The following ZFHX2 variants were observed in gnomAD, a reference collection of about 807,000 sequenced individuals.
The protein encoded by ZFHX2 is zinc finger homeobox 2.
In ZFHX2, 75 loss-of-function variants were observed where a neutral mutation model predicts 164.8. The ratio of observed to expected loss-of-function variants is 0.46; its 90% CI spans 0.38 to 0.55. The LOEUF (loss-of-function observed/expected upper bound fraction) is 0.55, where lower values mean the gene tolerates loss of function less well. Ranked by LOEUF, ZFHX2 falls within the 20% of genes least tolerant of loss-of-function variation. The pLI, the probability that ZFHX2 is intolerant of heterozygous loss-of-function variation, is 0.00. For missense variants in ZFHX2, 2,933 were observed against 3,308.0 expected (o/e 0.89, Z 2.78); for synonymous variants, 1,217 against 1,351.4 (o/e 0.90, Z 2.18).
chr14:23,524,307 C>A lies in ZFHX2; in HGVS notation c.5635G>T (p.Asp1879Tyr). The A allele has an allele frequency of 6.5e-7, 1 of 1,536,364 alleles. No individual in the cohort carries two copies. Residue 1879 changes from aspartate (D) to tyrosine (Y), a missense_variant, in exon 9 of 10, where the codon GAT (aspartate) becomes TAT (tyrosine). Physicochemically the swap from Asp to Tyr is radical, Grantham distance 160. Coordinates refer to ENST00000419474, the MANE Select transcript of ZFHX2 (RefSeq NM_033400.3). The surrounding 1 kb of genome is among the most constrained non-coding windows in gnomAD (Gnocchi z 5.6). ...AGCATCTTGCGTGTTGGGTTGGAATCCTGCATGTACCAACGGTACAGGATC... is the reference window on the plus strand; with the variant it reads ...AGCATCTTGCGTGTTGGGTTGGAATACTGCATGTACCAACGGTACAGGATC... ...LEILYRWYMQDSNPTRKMLDC... is the reference protein window; with the variant it reads ...LEILYRWYMQYSNPTRKMLDC...
rs1046713349 is a variant in ZFHX2, at chr14:23,521,538, G to C, written c.*424C>G. 2 of 160,620 alleles carry C rather than the reference G, an allele frequency of 1.2e-5. No homozygotes were observed. The highest frequency in any genetic ancestry group is 2.4e-5 in the African/African-American group (1 of 41,716). 9.9% of individuals were successfully genotyped at this position (160,620 alleles called of 1,614,324 possible). ...TTCAAAATTTTTTGGTGTTTTCTCA[G>C]TGGAACATCATGGGATAACGTGTGT... On this transcript the variant is annotated 3_prime_UTR_variant, in exon 10 of 10. Transcript: ENST00000419474.
rs1396992915 is a variant in ZFHX2 at position 23,534,930 on chromosome 14, A to C, written c.396T>G (p.Gly132=). The stretch of plus-strand genomic sequence containing the variant: ...CCTTTGGTAACAGGAGTTCACTGCC[A>C]CCTGGCAGGGACAGCTTGGCCACTA... The part of the protein sequence containing the change: ...AYLVAKLSLP[G]GSELLLPKGF... Residue 132 remains glycine, a synonymous_variant, in exon 2 of 10, where the codon GGT becomes GGG. Transcript: ENST00000419474. The surrounding 1 kb of genome is among the most constrained non-coding windows in gnomAD (Gnocchi z 4.5). 11 of 1,536,154 alleles carry C rather than the reference A, an allele frequency of 7.2e-6. No individual in the cohort carries two copies. The highest frequency in any genetic ancestry group is 9.6e-6 in the Non-Finnish European group (11 of 1,146,914).
chr14:23,539,635 G>A (rs1595175939), intron 1 of ZFHX2, among the ~76,000 whole-genome samples: 1 of 152,204 alleles, frequency 6.6e-6, no homozygotes, highest in African/African-American at 2.4e-5. Flanking sequence ...CTGAAGAGGA[G>A]CCATGTCGTG....
intron 3 of ZFHX2, 76 bp from the exon 4 acceptor site, chr14:23,531,797 A>G: frequency 8.0e-7 from 1 of 1,257,670 alleles, no homozygotes; most frequent in Admixed American, 3.9e-5. Context: ...TTTTTTTTCT[A>G]GAGAGAGTCT....
Position 23,551,092 on chromosome 14 carries a change from T to G in ZFHX2, c.-50+251A>C, listed in dbSNP as rs1881906173. 6.6e-6 allele frequency among the ~76,000 whole-genome samples: 1 copy of G among 150,942 alleles called. No individual in the cohort carries two copies. The highest frequency in any genetic ancestry group is 2.4e-5 in the African/African-American group (1 of 40,920). On this transcript the variant is annotated intron_variant, in intron 1 of 9. Transcript: ENST00000419474. The surrounding 1 kb of genome is among the most constrained non-coding windows in gnomAD (Gnocchi z 5.3). ...TTCTCCCTCCACCCCCGCATCTCTC[T>G]TCCCCCATCCTCGCGCACGCCCTCT...
intron 3 of ZFHX2, 128 bp downstream of exon 3, chr14:23,532,439 C>T: frequency 8.6e-7 from 1 of 1,159,280 alleles, no homozygotes; most frequent in Non-Finnish European, 1.1e-6. Context: ...ATGTCATTAC[C>T]TGGTGCATAC....
Position 23,526,827 on chromosome 14 carries a change from T to C in ZFHX2, c.3262+20A>G, listed in dbSNP as rs770638148. ...TCCCCTTTCCTGGTACCTTGGGAGGTTTGCTGTTCCATTCCTTACCTGCTG... is the reference window on the plus strand; with the variant it reads ...TCCCCTTTCCTGGTACCTTGGGAGGCTTGCTGTTCCATTCCTTACCTGCTG... On this transcript the variant is annotated intron_variant, in intron 8 of 9. Transcript: ENST00000419474. The C allele has an allele frequency of 3.3e-6, 5 of 1,523,342 alleles. No individual in the cohort carries two copies. The highest frequency in any genetic ancestry group is 2.8e-5 in the African/African-American group (2 of 72,482). The allele number at this position is 1,523,342 out of a possible 1,614,324, so 94.4% of individuals were successfully genotyped here.
At position 23,530,538 on chromosome 14, in the gene ZFHX2, A is replaced by T. The variant is rs535154464; in HGVS notation, c.2801-344T>A. 3.5e-4 allele frequency: 175 copies of T among 496,700 alleles called. 1 individual carries two copies. The highest frequency in any genetic ancestry group is 3.3e-3 in the Middle Eastern group (11 of 3,336). 30.8% of individuals were successfully genotyped at this position (496,700 alleles called of 1,614,324 possible). On this transcript the variant is annotated intron_variant, in intron 4 of 9. Transcript: ENST00000419474. ...GGAAGCCCCAGAGAAATGTAGTAGG[A>T]GGGGCACTGAAGAAGGAAGCCTTGG... is the stretch of plus-strand genomic sequence containing the variant.
rs763143441 is a variant in ZFHX2, at chr14:23,525,109, C to T, written c.4833G>A (p.Gln1611=). The change falls in exon 9 of 10, where the codon CAG becomes CAA. Residue 1611 remains glutamine, a synonymous_variant. Coordinates refer to ENST00000419474, the MANE Select transcript of ZFHX2 (RefSeq NM_033400.3). This position sits in a 1 kb window ranked among gnomAD's most constrained non-coding sequence, Gnocchi z 5.9. ...KFTEFQTQAL[Q]SFFETSAYPK... is the part of the protein sequence containing the mutation. ...GGTAGGCGCTAGTCTCAAAGAAAGA[C>T]TGCAGGGCTTGGGTCTGGAACTCTG... 3 of 1,536,200 alleles carry T rather than the reference C, an allele frequency of 2.0e-6. No individual in the cohort carries two copies. The highest frequency in any genetic ancestry group is 1.4e-5 in the African/African-American group (1 of 73,184).
Position 23,533,033 on chromosome 14 carries a change from C to G in ZFHX2, c.2093G>C (p.Gly698Ala). 1.3e-6 allele frequency: 2 copies of G among 1,535,510 alleles called. No homozygotes were observed. The highest frequency in any genetic ancestry group is 1.7e-6 in the Non-Finnish European group (2 of 1,146,486). Reference sequence around the variant, plus strand: ...GGTGGGCAGGCTGTCAGATGAGGAACCCAGGAGCTGACTTGGAGGCAGGTG... The same window carrying G: ...GGTGGGCAGGCTGTCAGATGAGGAAGCCAGGAGCTGACTTGGAGGCAGGTG... The part of the protein sequence containing the change: ...DAHLPPSQLL[G>A]SSSDSLPTSP... Residue 698 changes from glycine (G) to alanine (A), a missense_variant, in exon 3 of 10, where the codon GGT becomes GCT. Gly to Ala is a moderately conservative substitution (Grantham distance 60). Transcript: ENST00000419474. This position sits in a 1 kb window ranked among gnomAD's most constrained non-coding sequence, Gnocchi z 4.8.
At chr14:23,552,047 A>G (rs1483548919), upstream of ZFHX2, among the ~76,000 whole-genome samples, 1 of 152,180 alleles carries the variant, frequency 6.6e-6, no homozygotes, top group African/African-American at 2.4e-5. Flanking sequence ...AATCAGCTTC[A>G]GAACAAGCCC....
At position 23,523,458 on chromosome 14, in the gene ZFHX2, G is replaced by A. The variant is rs1027379024; in HGVS notation, c.6484C>T (p.Arg2162Ter). 3 of 1,535,914 alleles carry A rather than the reference G, an allele frequency of 2.0e-6. No individual in the cohort carries two copies. Among genetic ancestry groups the A allele is most frequent in the African/African-American group, 1.4e-5 (1 of 73,034 alleles). ...DVKYDFYVSCRGHLFSRQHLA... is the reference protein window; with the variant it reads ...DVKYDFYVSC ...TGCTGACGGGAAAAGAGATGGCCTC[G>A]GCAGGAGACATAGAAATCATACTTG... The change falls in exon 9 of 10, where the codon CGA (arginine) becomes TGA (stop). Residue 2162 changes from arginine to a stop codon, truncating the protein, a stop_gained. Transcript: ENST00000419474. LOFTEE classifies it high-confidence loss of function. The surrounding 1 kb of genome is among the most constrained non-coding windows in gnomAD (Gnocchi z 4.1).
At chr14:23,549,717 C>T (rs1881770422) in intron 1 of ZFHX2, among the ~76,000 whole-genome samples, 1 of 152,136 alleles carries the variant, frequency 6.6e-6, no homozygotes, top group South Asian at 2.1e-4. Flanking sequence ...TCAAAGTTGA[C>T]AGTTAACTGA....
In ZFHX2 at chr14:23,522,857, C is replaced by A. The variant is rs138665598; in HGVS notation, c.6824G>T (p.Arg2275Leu). 1.3e-6 allele frequency: 2 copies of A among 1,524,394 alleles called. No homozygotes were observed. Among genetic ancestry groups the A allele is most frequent in the Non-Finnish European group, 1.8e-6 (2 of 1,140,500 alleles). 94.4% of individuals were successfully genotyped at this position (1,524,394 alleles called of 1,614,324 possible). A position where few individuals can be genotyped will look rare whatever the true frequency, so the allele number is the denominator to read the frequency against. ...TTVVQTAGPG[R>L]PLPQRPMPDQ... is the part of the protein sequence containing the mutation. ...GGGCATGGGTCTCTGAGGTAAGGGGCGGCCTGGGCCAGCAGTCTGGACCAC... is the reference window on the plus strand; with the variant it reads ...GGGCATGGGTCTCTGAGGTAAGGGGAGGCCTGGGCCAGCAGTCTGGACCAC... Residue 2275 changes from arginine (R) to leucine (L), a missense_variant, in exon 10 of 10, where the codon CGC becomes CTC. Arg to Leu is a moderately radical substitution (Grantham distance 102). Transcript: ENST00000419474.
upstream of ZFHX2, among the ~76,000 whole-genome samples, chr14:23,552,880 G>A (rs915168712): frequency 6.6e-6 from 1 of 152,096 alleles, no homozygotes; most frequent in Non-Finnish European, 1.5e-5. Flanking sequence ...GGGATTATAG[G>A]GGTGATCCAC....
intron 6 of ZFHX2, chr14:23,528,940 T>A: frequency 3.3e-6 from 2 of 613,924 alleles, no homozygotes; most frequent in Non-Finnish European, 2.0e-6. Flanking sequence ...ATGCTCATCT[T>A]AACGCACCTA....
In ZFHX2 at chr14:23,525,300, G is replaced by T; in HGVS notation, c.4642C>A (p.Leu1548Met). 6.5e-7 allele frequency: 1 copy of T among 1,536,114 alleles called. No homozygotes were observed. The highest frequency in any genetic ancestry group is 8.7e-7 in the Non-Finnish European group (1 of 1,146,902). The change falls in exon 9 of 10, where the codon CTG (leucine) becomes ATG (methionine). Residue 1548 changes from leucine (L) to methionine (M), a missense_variant. Physicochemically the swap from Leu to Met is conservative, Grantham distance 15. Transcript: ENST00000419474. The surrounding 1 kb of genome is among the most constrained non-coding windows in gnomAD (Gnocchi z 5.9). Reference sequence around the variant, plus strand: ...TCTGGGACCAGGAAGGGTGGGCCCAGATGGGGAACAGGTGAATCCAGAGAC... The same window carrying T: ...TCTGGGACCAGGAAGGGTGGGCCCATATGGGGAACAGGTGAATCCAGAGAC... ...DGSLDSPVPH[L>M]GPPFLVPEPE...
chr14:23,542,797 G>A (rs1880968967), intron 1 of ZFHX2: 1 of 151,796 alleles, frequency 6.6e-6, no homozygotes, highest in African/African-American at 2.4e-5. Flanking sequence ...GTGCAGTGGT[G>A]TGATCTCAGC....
chr14:23,531,287 T>C, intron 4 of ZFHX2, 194 bp downstream of exon 4: 1 of 778,788 alleles, frequency 1.3e-6, no homozygotes, highest in South Asian at 5.8e-5. Context: ...TCTTTGCCCC[T>C]CCACTCAAGG....
Sources: gnomAD v4.1 joint callset for allele counts (sites outside exome capture counted in the v4.1 genomes callset) on GRCh38, gnomAD v4.1.1 for gene constraint, Gnocchi (gnomAD v3.1) non-coding constraint, MANE v1.5 for transcripts, NCBI Gene and HGNC (gene_info 2026-07-23, HGNC 2026-07-21) for gene names.